Variants in POLR3B observed in about 807,000 individuals in gnomAD.
POLR3B encodes RNA polymerase III subunit B, also known as DNA-directed RNA polymerase III subunit RPC2.
A neutral mutation model predicts 147.4 loss-of-function variants in POLR3B; 96 were observed. The ratio of observed to expected loss-of-function variants is 0.65; its 90% confidence interval spans 0.55 to 0.77. The LOEUF (loss-of-function observed/expected upper bound fraction) is 0.77, where lower values mean the gene tolerates loss of function less well. POLR3B is among the 30% of genes least tolerant of loss of function. The pLI is 0.00. For missense variants in POLR3B, 1,036 were observed against 1,413.5 expected, an observed-to-expected ratio of 0.73 and a Z score of 4.28; for synonymous variants, 461 against 485.9, an observed-to-expected ratio of 0.95 and a Z score of 0.67.
intron 9 of POLR3B, 77 bp from the exon 10 acceptor site, chr12:106,392,954 A>G (rs2036930273): frequency 5.7e-6 from 9 of 1,586,660 alleles, no homozygotes; most frequent in Non-Finnish European, 7.8e-6. Context: ...CCCACAAACA[A>G]TGCCAAATTA....
At chr12:106,477,989 C>G (rs1288543222) in intron 23 of POLR3B, among the ~76,000 whole-genome samples, 2 of 148,090 alleles carry the variant, frequency 1.4e-5, no homozygotes, top group African/African-American at 5.0e-5. Context: ...AGTGCAACCT[C>G]CACCTCCCGG....
At chr12:106,471,859 G>A (rs1422138436) in intron 23 of POLR3B, among the ~76,000 whole-genome samples, 1 of 151,776 alleles carries the variant, frequency 6.6e-6, no homozygotes, top group Non-Finnish European at 1.5e-5. Context: ...TATAAACAAA[G>A]CAGTGCTTTT....
At chr12:106,502,920 A>G (rs1422214822) in intron 26 of POLR3B, among the ~76,000 whole-genome samples, 2 of 152,230 alleles carry the variant, frequency 1.3e-5, no homozygotes, top group African/African-American at 4.8e-5. Context: ...TGTTGTGTAG[A>G]AAAAGTTATT....
intron 22 of POLR3B, among the ~76,000 whole-genome samples, chr12:106,462,742 C>T (rs970536962): frequency 1.9e-4 from 29 of 152,182 alleles, no homozygotes; most frequent in Admixed American, 1.8e-3. Flanking sequence ...AATGTGCCAT[C>T]CTAATTCAAT....
chr12:106,400,512 C>T (rs967269449), intron 10 of POLR3B, among the ~76,000 whole-genome samples: 14 of 152,190 alleles, frequency 9.2e-5, no homozygotes, highest in Non-Finnish European at 1.5e-4. Flanking sequence ...CCCAAATCAA[C>T]AGAATATACA....
intron 9 of POLR3B, 146 bp downstream of exon 9, chr12:106,380,285 G>GT (rs2036741848): frequency 4.6e-6 from 3 of 645,854 alleles, no homozygotes; most frequent in Non-Finnish European, 2.8e-6. Flanking sequence ...ATTTTAAATT[G>GT]AAAGCTGGCT....
chr12:106,391,393 G>C (rs2036912351), intron 9 of POLR3B, among the ~76,000 whole-genome samples: 1 of 152,136 alleles, frequency 6.6e-6, no homozygotes, highest in Non-Finnish European at 1.5e-5. Context: ...ATTGAGCTTA[G>C]CCTGCACTTG....
chr12:106,459,197 T>C, intron 21 of POLR3B, 54 bp from the exon 22 acceptor site: 1 of 1,012,094 alleles, frequency 9.9e-7, no homozygotes, highest in Non-Finnish European at 1.6e-6. Context: ...TTCGTAATCT[T>C]TGTATTCCAC....
At chr12:106,471,975 T>G (rs2038099095) in intron 23 of POLR3B, among the ~76,000 whole-genome samples, 2 of 147,698 alleles carry the variant, frequency 1.4e-5, no homozygotes, top group Non-Finnish European at 3.0e-5. Context: ...ACTCGTCATC[T>G]AGCATTAGGT....
At chr12:106,414,851 T>G (rs577684933) in intron 12 of POLR3B, among the ~76,000 whole-genome samples, 1 of 152,330 alleles carries the variant, frequency 6.6e-6, no homozygotes, top group African/African-American at 2.4e-5. Context: ...TCATCACATA[T>G]TTGTTGTAGT....
intron 22 of POLR3B, among the ~76,000 whole-genome samples, chr12:106,460,266 T>C (rs891086906): frequency 6.6e-6 from 1 of 152,208 alleles, no homozygotes; most frequent in Non-Finnish European, 1.5e-5. Context: ...ATGATCATAA[T>C]AGCATATTGG....
Position 106,481,259 on chromosome 12 carries a change from A to G in POLR3B, c.2714-14796A>G, listed in dbSNP as rs558772349. ...GACACTGGCTGCTGTGTTGAAAGAA[A>G]CTGCAGTGGTGCCAGTTCAGAAGCT... is the stretch of plus-strand genomic sequence containing the variant. On this transcript the variant is annotated intron_variant, in intron 23 of 27. Coordinates refer to ENST00000228347, the MANE Select transcript of POLR3B (RefSeq NM_018082.6). 9.2e-5 allele frequency among the ~76,000 whole-genome samples: 14 copies of G among 152,306 alleles called. No homozygotes were observed. In the South Asian group the frequency reaches 2.9e-3, roughly 32 times the overall value.
chr12:106,429,635 G>T (rs1191381080), intron 13 of POLR3B, among the ~76,000 whole-genome samples: 1 of 151,864 alleles, frequency 6.6e-6, no homozygotes, highest in East Asian at 1.9e-4. Flanking sequence ...AATGTTCAAG[G>T]TTTAGTTCAT....
chr12:106,381,731 TACAA>T (rs1375488338), intron 9 of POLR3B, among the ~76,000 whole-genome samples: 3 of 152,230 alleles, frequency 2.0e-5, no homozygotes, highest in Non-Finnish European at 4.4e-5. Context: ...ATCACAGATA[TACAA>T]ACATTCTTTT....
chr12:106,428,465 A>C (rs2037464916), intron 13 of POLR3B, among the ~76,000 whole-genome samples: 1 of 152,108 alleles, frequency 6.6e-6, no homozygotes, highest in South Asian at 2.1e-4. Flanking sequence ...GCTTTTACCA[A>C]ATACATTTTT....
chr12:106,376,628 T>A (rs1035377045), intron 7 of POLR3B, among the ~76,000 whole-genome samples, 178 bp downstream of exon 7: 1 of 138,122 alleles, frequency 7.2e-6, no homozygotes, highest in Non-Finnish European at 1.5e-5. Context: ...TTTCTTTCTT[T>A]CTTTTTTGAG....
intron 11 of POLR3B, among the ~76,000 whole-genome samples, chr12:106,409,682 T>C (rs1242895758): frequency 6.6e-6 from 1 of 151,860 alleles, no homozygotes; most frequent in Non-Finnish European, 1.5e-5. Context: ...TGTTTTTTTT[T>C]TTTTTGAATG....
intron 10 of POLR3B, among the ~76,000 whole-genome samples, chr12:106,399,584 C>T (rs977683258): frequency 2.6e-5 from 4 of 152,156 alleles, no homozygotes; most frequent in East Asian, 1.9e-4. Context: ...GGAGAAAGAT[C>T]GGGTTACCCA....
chr12:106,456,939 G>A (rs2037872466), intron 20 of POLR3B, among the ~76,000 whole-genome samples, 199 bp from the exon 21 acceptor site: 1 of 152,148 alleles, frequency 6.6e-6, no homozygotes, highest in South Asian at 2.1e-4. Flanking sequence ...CAGTAGGTAG[G>A]GGACAAGTCC....
Sources: allele counts gnomAD v4.1 joint callset (sites outside exome capture counted in the v4.1 genomes callset), GRCh38; gene constraint gnomAD v4.1.1; transcripts MANE v1.5; gene names NCBI Gene and HGNC (gene_info 2026-07-23, HGNC 2026-07-21).